The following MCF2 variants were observed in gnomAD, a reference collection of about 807,000 sequenced individuals.
The protein encoded by MCF2 is MCF.2 cell line derived transforming sequence, also known as proto-oncogene DBL.
In MCF2, 44 loss-of-function variants were observed where a neutral mutation model predicts 82.5. That is an observed-to-expected ratio of 0.53 (90% CI 0.42 to 0.69). The LOEUF (loss-of-function observed/expected upper bound fraction) is 0.69, where lower values mean the gene tolerates loss of function less well. Ranked by LOEUF, MCF2 falls within the 30% of genes least tolerant of loss-of-function variation. MCF2 has a pLI of 0.00. For missense variants in MCF2, 623 were observed against 663.1 expected (o/e 0.94, Z 0.66); for synonymous variants, 217 against 224.9 (o/e 0.96, Z 0.32).
intron 1 of MCF2, among the ~76,000 whole-genome samples, chrX:139,639,337 C>G (rs1933423250): frequency 9.0e-6 from 1 of 111,730 alleles, no homozygotes; most frequent in Admixed American, 9.5e-5. Flanking sequence ...GAGGAAACAG[C>G]ATTGGTTTTA....
At chrX:139,650,172 T>G (rs1933947507) in intron 2 of MCF2, among the ~76,000 whole-genome samples, 1 of 111,261 alleles carries the variant, frequency 9.0e-6, no homozygotes, top group African/African-American at 3.3e-5. Flanking sequence ...CTAGGCAACA[T>G]AGCAAAACCC....
At position 139,607,741 on chromosome X, in the gene MCF2, A is replaced by G. The variant is rs372590295; in HGVS notation, c.1440T>C (p.Ser480=). ...CATTGTCCAAACTGGAGGATGGACCAGAACTTCTCTTCTCCTGACAATCAG... is the reference window on the plus strand; with the variant it reads ...CATTGTCCAAACTGGAGGATGGACCGGAACTTCTCTTCTCCTGACAATCAG... Residue 480 remains serine (S), a synonymous_variant, in exon 12 of 25, where the codon TCT becomes TCC. Transcript: ENST00000370576. The G allele has an allele frequency of 3.3e-6, 4 of 1,204,594 alleles. No individual in the cohort carries two copies. The African/African-American group carries it at 5.2e-5, about 16-fold the overall frequency.
chrX:139,628,575 C>A (rs904199770), intron 4 of MCF2, among the ~76,000 whole-genome samples: 23 of 111,516 alleles, frequency 2.1e-4, no homozygotes, highest in African/African-American at 7.5e-4. Context: ...CAGCATCCCA[C>A]AATTTATCCA....
chrX:139,699,694 A>G (rs1935450810), intron 1 of MCF2, among the ~76,000 whole-genome samples: 1 of 112,469 alleles, frequency 8.9e-6, no homozygotes, highest in African/African-American at 3.2e-5. Context: ...TTCCTTTTTA[A>G]GGCTGAATAA....
intron 19 of MCF2, 81 bp downstream of exon 23, chrX:139,596,468 A>T (rs1930105866): frequency 2.6e-6 from 2 of 769,344 alleles, no homozygotes; most frequent in Admixed American, 5.5e-5. Context: ...AAACCTACTC[A>T]TTTGAAACAA....
At chrX:139,649,812 G>A (rs1267797735) in intron 2 of MCF2, among the ~76,000 whole-genome samples, 2 of 111,524 alleles carry the variant, frequency 1.8e-5, no homozygotes, top group African/African-American at 6.5e-5. Context: ...GGTCTGGATG[G>A]GTGCAGCAAG....
intron 11 of MCF2, among the ~76,000 whole-genome samples, chrX:139,608,241 T>A (rs772100971): frequency 9.1e-6 from 1 of 110,202 alleles, no homozygotes; most frequent in East Asian, 2.9e-4. Flanking sequence ...AGCTAGAAGA[T>A]CCTTTTCCTA....
At chrX:139,588,459 G>T (rs753306552) in intron 20 of MCF2, 21 bp from the exon 25 acceptor site, 1 of 1,016,963 alleles carries the variant, frequency 9.8e-7, no homozygotes, top group Non-Finnish European at 1.4e-6. Flanking sequence ...AAAAAAAAGC[G>T]GGAGGGAGGT....
At chrX:139,610,482 A>G in intron 10 of MCF2, 144 bp from the exon 15 acceptor site, 1 of 379,553 alleles carries the variant, frequency 2.6e-6, no homozygotes, top group Non-Finnish European at 4.4e-6. Flanking sequence ...TATAGAAGAT[A>G]ATGTTTGGTT....
At chrX:139,682,933 T>TTC (rs1935035183) in intron 1 of MCF2, among the ~76,000 whole-genome samples, 2 of 111,552 alleles carry the variant, frequency 1.8e-5, no homozygotes, top group Admixed American at 1.9e-4. Flanking sequence ...GTTGCAAACT[T>TTC]TCTCCTTTTT....
chrX:139,632,326 T>C lies in MCF2; in HGVS notation c.171+9A>G. The C allele has an allele frequency of 8.5e-7, 1 of 1,179,639 alleles. No individual in the cohort carries two copies. Among genetic ancestry groups the C allele is most frequent in the Admixed American group, 2.2e-5 (1 of 44,582 alleles). ...AGAGGAACAAAACATTTAAATAATA[T>C]ACTCTTACTGGTAATTTAAGCATAA... On this transcript the variant is annotated intron_variant, in intron 2 of 24. Transcript: ENST00000370576.
In MCF2 at chrX:139,691,877, C is replaced by G. The variant is rs779526499; in HGVS notation, c.-45+16229G>C. The G allele has an allele frequency of 3.5e-5, 39 of 1,126,340 alleles. No individual in the cohort carries two copies. The East Asian group carries it at 8.6e-4, about 25-fold the overall frequency. 92.8% of individuals were successfully genotyped at this position (1,126,340 alleles called of 1,213,427 possible). ...GGCTGAGAAGAAGGGCAAGCCAGCC[C>G]GAGGCCGCCGGGGAGGAGATGAGAG... On this transcript the variant is annotated intron_variant, in intron 1 of 27. Coordinates refer to the MCF2 transcript ENST00000414978.
intron 12 of MCF2, chrX:139,607,400 T>A: frequency 6.6e-6 from 1 of 152,559 alleles, no homozygotes; most frequent in Non-Finnish European, 1.3e-5. Context: ...TGATTATGTG[T>A]CAATGAAAAA....
At position 139,616,249 on chromosome X, in the gene MCF2, T is replaced by C. The variant is rs760254974; in HGVS notation, c.1191+33A>G. ...ACAGTACTGCAATTATAATTTTCTT[T>C]AAATATTTATTTGAAAATAAAAAAG... On this transcript the variant is annotated intron_variant, in intron 9 of 24. Coordinates refer to ENST00000370576, the Ensembl canonical transcript of MCF2. 3.3e-6 allele frequency: 3 copies of C among 897,734 alleles called. No individual in the cohort carries two copies. The East Asian group carries it at 1.1e-4, about 32-fold the overall frequency. The allele number at this position is 897,734 out of a possible 1,213,427, so 74.0% of individuals were successfully genotyped here.
intron 1 of MCF2, among the ~76,000 whole-genome samples, chrX:139,668,543 T>C: frequency 9.0e-6 from 1 of 111,415 alleles, no homozygotes; most frequent in Non-Finnish European, 1.9e-5. Context: ...AACCTTTCCC[T>C]GTGTTGGGAA....
chrX:139,590,468 T>TA (rs754962395), intron 19 of MCF2, among the ~76,000 whole-genome samples: 1,744 of 104,906 alleles, frequency 0.017, 45 homozygotes, highest in African/African-American at 0.057. Flanking sequence ...TTGGCCTTTC[T>TA]AAAAAAAAAA....
intron 1 of MCF2, among the ~76,000 whole-genome samples, chrX:139,667,061 C>T (rs986447535): frequency 8.1e-5 from 9 of 111,140 alleles, no homozygotes; most frequent in African/African-American, 2.9e-4. Context: ...AATTTCTATT[C>T]GGTTCTCTTT....
At chrX:139,677,815 A>G (rs1934907347) in intron 1 of MCF2, among the ~76,000 whole-genome samples, 1 of 112,191 alleles carries the variant, frequency 8.9e-6, no homozygotes, top group African/African-American at 3.2e-5. Context: ...GTAACTAAAA[A>G]TCCTGAAAAA....
chrX:139,591,414 T>C (rs1283349680), intron 19 of MCF2, among the ~76,000 whole-genome samples: 1 of 111,148 alleles, frequency 9.0e-6, no homozygotes, highest in Non-Finnish European at 1.9e-5. Context: ...AAGTGAACTT[T>C]TCTAAGTTGC....
Sources: gnomAD v4.1 joint callset for allele counts (sites outside exome capture counted in the v4.1 genomes callset) on GRCh38, gnomAD v4.1.1 for gene constraint, MANE v1.5 for transcripts, NCBI Gene and HGNC (gene_info 2026-07-23, HGNC 2026-07-21) for gene names.